LAMA2: variants seen among roughly 807,000 people sequenced by gnomAD.
The protein encoded by LAMA2 is laminin subunit alpha-2.
LAMA2 carries 269 observed loss-of-function variants against 364.8 expected under a neutral mutation model. The ratio of observed to expected loss-of-function variants is 0.74; its 90% CI spans 0.67 to 0.82. The LOEUF (loss-of-function observed/expected upper bound fraction) is 0.82. Among genes scored for constraint, LAMA2 ranks in the 40% least tolerant of loss-of-function variants. The pLI, the probability that LAMA2 is intolerant of heterozygous loss-of-function variation, is 0.00. For missense variants in LAMA2, 3,807 were observed against 3,873.2 expected (o/e 0.98, Z 0.45); for synonymous variants, 1,379 against 1,370.6 (o/e 1.01, Z -0.14).
At chr6:129,477,691 G>A (rs1784137496) in intron 53 of LAMA2, among the ~76,000 whole-genome samples, 2 of 145,010 alleles carry the variant, frequency 1.4e-5, no homozygotes, top group African/African-American at 5.4e-5. Context: ...AAATGTATGG[G>A]TTTTTGCATT....
At chr6:129,302,813 C>T (rs1022033560) in intron 22 of LAMA2, among the ~76,000 whole-genome samples, 5 of 152,012 alleles carry the variant, frequency 3.3e-5, no homozygotes, top group East Asian at 3.8e-4. Flanking sequence ...TCTGCTTCAC[C>T]GATCTATTCT....
chr6:129,397,711 C>T (rs903474639), intron 37 of LAMA2, among the ~76,000 whole-genome samples: 4 of 151,304 alleles, frequency 2.6e-5, no homozygotes, highest in Admixed American at 2.6e-4. Context: ...GTCAGGAGAT[C>T]GAGACCATCC....
At chr6:128,996,003 C>T (rs1334714553) in intron 1 of LAMA2, among the ~76,000 whole-genome samples, 2 of 152,074 alleles carry the variant, frequency 1.3e-5, no homozygotes, top group African/African-American at 4.8e-5. Flanking sequence ...ATAGTATCAA[C>T]ATGACAAAAC....
At chr6:129,293,345 G>A (rs1789850461) in intron 20 of LAMA2, among the ~76,000 whole-genome samples, 1 of 152,148 alleles carries the variant, frequency 6.6e-6, no homozygotes, top group South Asian at 2.1e-4. Context: ...ATCTACTTGA[G>A]AGAACCTATA....
chr6:129,090,535 C>T (rs1352299049), intron 3 of LAMA2, among the ~76,000 whole-genome samples: 2 of 152,142 alleles, frequency 1.3e-5, no homozygotes, highest in East Asian at 1.9e-4. Flanking sequence ...ATATCTAGGT[C>T]TCTCAATCAA....
Position 129,419,804 on chromosome 6 carries a change from G to A in LAMA2, c.5866-7948G>A, listed in dbSNP as rs565646635. On this transcript the variant is annotated intron_variant, in intron 40 of 64. Coordinates refer to ENST00000421865, the MANE Select transcript of LAMA2 (RefSeq NM_000426.4). ...CTACCACCCTTAGGGTATGCTATGC[G>A]ATGCCAGGGACCTACAGCCTTTTAA... 7.9e-5 allele frequency among the ~76,000 whole-genome samples: 12 copies of A among 152,164 alleles called. No individual in the cohort carries two copies. In the South Asian group the frequency reaches 8.3e-4, roughly 11 times the overall value.
chr6:128,962,183 T>TATATATATATATATATAC (rs1781573685), intron 1 of LAMA2, among the ~76,000 whole-genome samples: 1 of 113,922 alleles, frequency 8.8e-6, no homozygotes, highest in African/African-American at 3.9e-5. Context: ...TATATATATA[T>TATATATATATATATATAC]ATACACACAT....
intron 9 of LAMA2, among the ~76,000 whole-genome samples, chr6:129,174,891 A>G (rs1583190853): frequency 6.6e-6 from 1 of 152,104 alleles, no homozygotes; most frequent in African/African-American, 2.4e-5. Flanking sequence ...TGTATCTTCA[A>G]CTGTTCTGAA....
intron 8 of LAMA2, among the ~76,000 whole-genome samples, chr6:129,162,704 A>G: frequency 6.6e-6 from 1 of 152,194 alleles, no homozygotes; most frequent in Middle Eastern, 3.4e-3. Context: ...TTAATTCACT[A>G]GATGATTTCA....
chr6:129,454,003 T>A, intron 46 of LAMA2, 152 bp from the exon 47 acceptor site: 2 of 320,744 alleles, frequency 6.2e-6, no homozygotes, highest in Non-Finnish European at 5.7e-6. Context: ...TAATGTATAA[T>A]AATAAATAAT....
intron 40 of LAMA2, among the ~76,000 whole-genome samples, chr6:129,414,097 G>A (rs1780669761): frequency 6.6e-6 from 1 of 152,026 alleles, no homozygotes; most frequent in Non-Finnish European, 1.5e-5. Context: ...TGGAGGATAT[G>A]CGCAATTTTA....
At chr6:128,960,443 A>T (rs1211035895) in intron 1 of LAMA2, among the ~76,000 whole-genome samples, 1 of 146,730 alleles carries the variant, frequency 6.8e-6, no homozygotes, top group Non-Finnish European at 1.5e-5. Context: ...GGTTCCAGCG[A>T]TTCTCCGGCC....
rs145792392 is a variant in LAMA2, at chr6:129,253,076, A to G, written c.2096+781A>G. Among the ~76,000 whole-genome samples the G allele has an allele frequency of 1.3e-3, 198 of 151,872 alleles. 1 individual carries two copies. The highest frequency in any genetic ancestry group is 2.7e-3 in the South Asian group (13 of 4,808). The stretch of plus-strand genomic sequence containing the variant: ...AGAGTGAACTACCTGACTTGAACCA[A>G]ATATGCTCGGGTCTGATTAACTGCT... On this transcript the variant is annotated intron_variant, in intron 14 of 64. Coordinates refer to ENST00000421865, the MANE Select transcript of LAMA2 (RefSeq NM_000426.4).
At chr6:129,007,572 T>C (rs949306017) in intron 1 of LAMA2, among the ~76,000 whole-genome samples, 1 of 152,202 alleles carries the variant, frequency 6.6e-6, no homozygotes. Context: ...GAGGAAGACA[T>C]GTGGGCTCAA....
At chr6:128,998,570 G>T (rs1251549529) in intron 1 of LAMA2, among the ~76,000 whole-genome samples, 1 of 93,566 alleles carries the variant, frequency 1.1e-5, no homozygotes, top group Non-Finnish European at 2.0e-5. Context: ...GCAGGGCGAG[G>T]CATTGCCTCA....
intron 40 of LAMA2, among the ~76,000 whole-genome samples, chr6:129,416,827 C>T (rs1036391753): frequency 1.1e-4 from 16 of 152,170 alleles, no homozygotes; most frequent in Non-Finnish European, 1.9e-4. Context: ...TGTGAGTGAG[C>T]GTGGGCTCCA....
chr6:129,105,752 A>G (rs1037513736), intron 4 of LAMA2, among the ~76,000 whole-genome samples: 1 of 152,202 alleles, frequency 6.6e-6, no homozygotes, highest in Non-Finnish European at 1.5e-5. Context: ...TAGGTTATTG[A>G]TGGTCAAAGG....
At chr6:129,275,103 A>G (rs1378317842) in intron 17 of LAMA2, among the ~76,000 whole-genome samples, 1 of 151,994 alleles carries the variant, frequency 6.6e-6, no homozygotes, top group Non-Finnish European at 1.5e-5. Flanking sequence ...ATTTGAGTTG[A>G]CCTTTGGGCT....
chr6:129,486,350 T>C, intron 55 of LAMA2, 124 bp from the exon 56 acceptor site: 1 of 899,514 alleles, frequency 1.1e-6, no homozygotes, highest in South Asian at 1.4e-5. Context: ...TTTGAGAAAA[T>C]AAAGTCTTAA....
Sources: gnomAD v4.1 joint callset for allele counts (sites outside exome capture counted in the v4.1 genomes callset) on GRCh38, gnomAD v4.1.1 for gene constraint, MANE v1.5 for transcripts, NCBI Gene and HGNC (gene_info 2026-07-23, HGNC 2026-07-21) for gene names.